Variants in TMEM201 observed in about 807,000 individuals in gnomAD.
The protein encoded by TMEM201 is transmembrane protein 201, also known as RP13-15M17.2.
Under a neutral mutation model 63.4 loss-of-function variants are expected in TMEM201, and 26 were observed. The ratio of observed to expected loss-of-function variants is 0.41; its 90% CI spans 0.30 to 0.57. The LOEUF (loss-of-function observed/expected upper bound fraction) is 0.57. Ranked by LOEUF, TMEM201 falls within the 20% of genes least tolerant of loss-of-function variation. The probability of loss-of-function intolerance (pLI) is 0.29; values close to 1 mark genes in which losing one functional copy is unlikely to be tolerated. For synonymous variants in TMEM201, 417 were observed against 421.6 expected (o/e 0.99, Z 0.14); for missense variants, 794 against 917.7 (o/e 0.87, Z 1.74).
In TMEM201 at chr1:9,602,082, G is replaced by T. The variant is rs1174311738; in HGVS notation, c.970G>T (p.Asp324Tyr). 1 of 1,611,668 alleles carries T rather than the reference G, an allele frequency of 6.2e-7. No homozygotes were observed. The highest frequency in any genetic ancestry group is 2.2e-5 in the East Asian group (1 of 44,824). Residue 324 changes from aspartate (D) to tyrosine (Y), a missense_variant, in exon 6 of 11, where the codon GAT becomes TAT. Physicochemically the swap from Asp to Tyr is radical, Grantham distance 160. Transcript: ENST00000340381. ...CTTCCCTTTCAGGCTCCGGAGGATC[G>T]ATGCCTTCTGCACCTGCCTGTGGGC... The part of the protein sequence containing the change: ...LAGRIRLRRI[D>Y]AFCTCLWALL...
At position 9,610,875 on chromosome 1, in the gene TMEM201, G is replaced by C; in HGVS notation, c.1765+70G>C. 2.0e-6 allele frequency: 3 copies of C among 1,491,730 alleles called. No homozygotes were observed. The highest frequency in any genetic ancestry group is 2.7e-6 in the Non-Finnish European group (3 of 1,116,816). 92.4% of individuals were successfully genotyped at this position (1,491,730 alleles called of 1,614,324 possible). Reference sequence around the variant, plus strand: ...CTGCCAAGAGGCCTGGCTGTGCGGCGGTGGGGGGGCTCATCCTTGCTCTGA... The same window carrying C: ...CTGCCAAGAGGCCTGGCTGTGCGGCCGTGGGGGGGCTCATCCTTGCTCTGA... On this transcript the variant is annotated intron_variant, in intron 9 of 10. Coordinates refer to ENST00000340381, the MANE Select transcript of TMEM201 (RefSeq NM_001130924.3). The surrounding 1 kb of genome is among the most constrained non-coding windows in gnomAD (Gnocchi z 4.9).
At chr1:9,596,045 C>A (rs752697735) in intron 2 of TMEM201, 35 bp downstream of exon 2, 6 of 1,601,136 alleles carry the variant, frequency 3.7e-6, no homozygotes, top group Middle Eastern at 4.5e-4. Flanking sequence ...GGTGGGCACG[C>A]GGGGGTGGGG....
chr1:9,596,014 T>C lies in TMEM201; in HGVS notation c.234+4T>C, dbSNP rs775430899. 1 of 1,612,050 alleles carries C rather than the reference T, an allele frequency of 6.2e-7. No homozygotes were observed. The highest frequency in any genetic ancestry group is 8.5e-7 in the Non-Finnish European group (1 of 1,179,906). ...GCAGTACAACGGCTTCCAGGAGGTG[T>C]GGGTCACAGGCAGGCGGACGGGTGG... On this transcript the variant is annotated splice_donor_region_variant and intron_variant, in intron 2 of 10. Coordinates refer to ENST00000340381, the MANE Select transcript of TMEM201 (RefSeq NM_001130924.3).
chr1:9,601,604 G>A, intron 5 of TMEM201, 150 bp downstream of exon 5: 2 of 827,138 alleles, frequency 2.4e-6, no homozygotes, highest in Non-Finnish European at 3.7e-6. Flanking sequence ...CCAGGGGCTG[G>A]GAGTCGTAGG....
At chr1:9,590,019 C>T (rs1643893710) in intron 1 of TMEM201, among the ~76,000 whole-genome samples, 1 of 152,180 alleles carries the variant, frequency 6.6e-6, no homozygotes, top group African/African-American at 2.4e-5. Flanking sequence ...CTGCTTCTCT[C>T]CTCCAGGGGG....
chr1:9,597,040 C>G lies in TMEM201; in HGVS notation c.416C>G (p.Ala139Gly), dbSNP rs147267177. 1.9e-6 allele frequency: 3 copies of G among 1,605,676 alleles called. No individual in the cohort carries two copies. The highest frequency in any genetic ancestry group is 2.6e-6 in the Non-Finnish European group (3 of 1,174,498). ...TTKIKQLAAF[A>G]PREEGRYDEE... ...AAGATCAAGCAGCTGGCCGCCTTCG[C>G]TCCCCGCGAGGAGGTGAGGCCGGGT... The change falls in exon 3 of 11, where the codon GCT becomes GGT. Residue 139 changes from alanine to glycine, a missense_variant. Ala to Gly is a moderately conservative substitution (Grantham distance 60). Coordinates refer to ENST00000340381, the MANE Select transcript of TMEM201 (RefSeq NM_001130924.3).
Position 9,596,886 on chromosome 1 carries a change from G to A in TMEM201, c.262G>A (p.Ala88Thr), listed in dbSNP as rs763088816. 5.0e-6 allele frequency: 8 copies of A among 1,600,610 alleles called. No homozygotes were observed. In the East Asian group the frequency reaches 9.0e-5, roughly 18 times the overall value. Residue 88 changes from alanine (A) to threonine (T), a missense_variant, in exon 3 of 11, where the codon GCC becomes ACC. Physicochemically the swap from Ala to Thr is moderately conservative, Grantham distance 58. Coordinates refer to ENST00000340381, the MANE Select transcript of TMEM201 (RefSeq NM_001130924.3). The part of the protein sequence containing the change: ...ENGDYNKPIP[A>T]QYLEHLNHVV... ...CGGCGACTACAACAAGCCGATCCCC[G>A]CCCAGTACTTGGAGCACCTGAACCA...
chr1:9,604,341 A>G lies in TMEM201; in HGVS notation c.1160+2069A>G. 1.0e-6 allele frequency: 1 copy of G among 985,410 alleles called. No individual in the cohort carries two copies. 61.0% of individuals were successfully genotyped at this position (985,410 alleles called of 1,614,324 possible). ...CCCTCTGCCGGGGTCCGGAAGCGAC[A>G]TCTCAGGAGGTAGCTCTCAGCAGAG... On this transcript the variant is annotated intron_variant, in intron 6 of 10. Transcript: ENST00000340381. This position sits in a 1 kb window ranked among gnomAD's most constrained non-coding sequence, Gnocchi z 4.1.
rs1458831951 is a variant in TMEM201 at position 9,608,104 on chromosome 1, G to T, written c.1393+315G>T. Among the ~76,000 whole-genome samples, 1 of 152,194 alleles carries T rather than the reference G, an allele frequency of 6.6e-6. No homozygotes were observed. The highest frequency in any genetic ancestry group is 1.5e-5 in the Non-Finnish European group (1 of 68,034). On this transcript the variant is annotated intron_variant, in intron 7 of 10. Transcript: ENST00000340381. The surrounding 1 kb of genome is among the most constrained non-coding windows in gnomAD (Gnocchi z 4.3). ...AAAGTTGTTTTAATTAACTGGGCAT[G>T]GTGGCGTACACCTATAGTCCCAGCT...
chr1:9,607,970 G>T lies in TMEM201; in HGVS notation c.1393+181G>T, dbSNP rs536940603. 5.9e-5 allele frequency among the ~76,000 whole-genome samples: 9 copies of T among 152,366 alleles called. No homozygotes were observed. In the South Asian group the frequency reaches 1.9e-3, roughly 32 times the overall value. Reference sequence around the variant, plus strand: ...AAATGGGGCTAGCTAGGAATAGGTGGCTCATGCCTTTAATCCCAGCACTTT... The same window carrying T: ...AAATGGGGCTAGCTAGGAATAGGTGTCTCATGCCTTTAATCCCAGCACTTT... On this transcript the variant is annotated intron_variant, in intron 7 of 10. Coordinates refer to ENST00000340381, the MANE Select transcript of TMEM201 (RefSeq NM_001130924.3). The surrounding 1 kb of genome is among the most constrained non-coding windows in gnomAD (Gnocchi z 5.4).
At position 9,603,731 on chromosome 1, in the gene TMEM201, C is replaced by T. The variant is rs893246331; in HGVS notation, c.1160+1459C>T. ...GGGGGTCCTAGAGGCTGCCCCACCC[C>T]AGTGATTGGGTAGCAGCTCACATCC... On this transcript the variant is annotated intron_variant, in intron 6 of 10. Coordinates refer to ENST00000340381, the MANE Select transcript of TMEM201 (RefSeq NM_001130924.3). This position sits in a 1 kb window ranked among gnomAD's most constrained non-coding sequence, Gnocchi z 4.5. The T allele has an allele frequency of 1.1e-4, 113 of 985,326 alleles. 1 individual carries two copies. The highest frequency in any genetic ancestry group is 1.3e-4 in the Non-Finnish European group (112 of 829,942). The allele number at this position is 985,326 out of a possible 1,614,324, so 61.0% of individuals were successfully genotyped here.
Position 9,603,127 on chromosome 1 carries a change from T to A in TMEM201, c.1160+855T>A, listed in dbSNP as rs553006319. On this transcript the variant is annotated intron_variant, in intron 6 of 10. Transcript: ENST00000340381. This position sits in a 1 kb window ranked among gnomAD's most constrained non-coding sequence, Gnocchi z 4.5. The stretch of plus-strand genomic sequence containing the variant: ...AGGTCGTTGTCATCCTTTCCCTCCC[T>A]GACCTGTCACGAGCCTCTGCAGGTG... 1.0e-6 allele frequency: 1 copy of A among 985,534 alleles called. No homozygotes were observed. The highest frequency in any genetic ancestry group is 1.1e-4 in the East Asian group (1 of 8,810). 61.0% of individuals were successfully genotyped at this position (985,534 alleles called of 1,614,324 possible). A position where few individuals can be genotyped will look rare whatever the true frequency, so the allele number is the denominator to read the frequency against.
rs1443612769 is a variant in TMEM201, at chr1:9,613,761, A to G, written c.*678A>G. 3 of 152,612 alleles carry G rather than the reference A, an allele frequency of 2.0e-5. No homozygotes were observed. The highest frequency in any genetic ancestry group is 3.9e-4 in the East Asian group (2 of 5,178). The allele number at this position is 152,612 out of a possible 1,614,324, so 9.5% of individuals were successfully genotyped here. ...TGTGACCTCTGTTGACCTTCCTGGA[A>G]GCAGCCCCATTACCCTGAGAATGCG... On this transcript the variant is annotated 3_prime_UTR_variant, in exon 11 of 11. Transcript: ENST00000340381.
At chr1:9,590,425 G>C (rs1372641979) in intron 1 of TMEM201, among the ~76,000 whole-genome samples, 1 of 152,170 alleles carries the variant, frequency 6.6e-6, no homozygotes, top group Non-Finnish European at 1.5e-5. Context: ...ATGAGAGCCT[G>C]GGGGAGGGGA....
At chr1:9,606,033 C>A (rs1644236633) in intron 6 of TMEM201, among the ~76,000 whole-genome samples, 1 of 152,234 alleles carries the variant, frequency 6.6e-6, no homozygotes, top group Non-Finnish European at 1.5e-5. Flanking sequence ...AAACTCCCTC[C>A]CATGGAGGGT....
intron 6 of TMEM201, chr1:9,606,729 A>C (rs1178694590): frequency 6.6e-6 from 1 of 152,328 alleles, no homozygotes; most frequent in Non-Finnish European, 1.5e-5. Flanking sequence ...TGGGTGCCTT[A>C]ATCAGAAGCA....
At chr1:9,609,962 C>T (rs906781908) in intron 8 of TMEM201, 51 bp downstream of exon 8, 21 of 1,514,108 alleles carry the variant, frequency 1.4e-5, no homozygotes, top group Middle Eastern at 1.8e-4. Flanking sequence ...GAAGCCCGGG[C>T]GTTCCAGAGC....
rs1644362448 is a variant in TMEM201, at chr1:9,614,286, T to G, written c.*1203T>G. ...CAGGGATAAAGTTTAATTTTATTTT[T>G]CTACACATTTTGCCAGGTCAGGCAT... On this transcript the variant is annotated 3_prime_UTR_variant, in exon 11 of 11. Coordinates refer to ENST00000340381, the MANE Select transcript of TMEM201 (RefSeq NM_001130924.3). 2 of 152,242 alleles carry G rather than the reference T, an allele frequency of 1.3e-5. No individual in the cohort carries two copies. The highest frequency in any genetic ancestry group is 4.1e-4 in the South Asian group (2 of 4,826). The allele number at this position is 152,242 out of a possible 1,614,324, so 9.4% of individuals were successfully genotyped here.
intron 9 of TMEM201, among the ~76,000 whole-genome samples, chr1:9,611,478 G>A (rs953748693): frequency 1.2e-4 from 18 of 152,232 alleles, no homozygotes; most frequent in East Asian, 3.8e-4. Context: ...GATCACAGGC[G>A]TGGGCCACTG....
Sources: allele counts gnomAD v4.1 joint callset (sites outside exome capture counted in the v4.1 genomes callset), GRCh38; gene constraint gnomAD v4.1.1; non-coding constraint Gnocchi (gnomAD v3.1); transcripts MANE v1.5; gene names NCBI Gene and HGNC (gene_info 2026-07-23, HGNC 2026-07-21).